Variants in DLC1 observed in about 807,000 individuals in gnomAD.
DLC1 encodes DLC1 Rho GTPase activating protein.
In DLC1, 54 loss-of-function variants were observed where a neutral mutation model predicts 140.3. That is an observed-to-expected ratio of 0.38 (90% CI 0.31 to 0.48). The LOEUF (loss-of-function observed/expected upper bound fraction) is 0.48. DLC1 is among the 20% of genes least tolerant of loss of function. The pLI is 0.96. For missense variants in DLC1, 2,536 were observed against 1,907.0 expected (o/e 1.33, Z -6.14); for synonymous variants, 986 against 728.1 (o/e 1.35, Z -5.70).
chr8:13,151,070 G>T (rs1823772311), intron 5 of DLC1, among the ~76,000 whole-genome samples: 1 of 152,184 alleles, frequency 6.6e-6, no homozygotes, highest in Non-Finnish European at 1.5e-5. Flanking sequence ...ATATGATGAT[G>T]AAATATCTGG....
intron 5 of DLC1, among the ~76,000 whole-genome samples, chr8:13,161,328 G>GTT (rs140570397): frequency 4.6e-5 from 7 of 151,594 alleles, no homozygotes; most frequent in Non-Finnish European, 7.4e-5. Context: ...TCATTTGTGG[G>GTT]TTTTTTTTGT....
chr8:13,496,067 C>T (rs935837170), intron 2 of DLC1, among the ~76,000 whole-genome samples: 9 of 152,174 alleles, frequency 5.9e-5, no homozygotes, highest in Admixed American at 3.3e-4. Flanking sequence ...GGCTGACAAA[C>T]AGTTTTAAAT....
rs1054238700 is a variant in DLC1 at position 13,281,270 on chromosome 8, G to A, written c.1348+23999C>T. ...CCCTAAGGATCCACTGAATTTGGGTGAGAATCTTCTTTGTGATAAACTCTA... is the reference window on the plus strand; with the variant it reads ...CCCTAAGGATCCACTGAATTTGGGTAAGAATCTTCTTTGTGATAAACTCTA... On this transcript the variant is annotated intron_variant, in intron 5 of 17. Transcript: ENST00000276297. Among the ~76,000 whole-genome samples the A allele has an allele frequency of 7.2e-5, 11 of 152,216 alleles. 1 individual carries two copies. The highest frequency in any genetic ancestry group is 2.7e-4 in the African/African-American group (11 of 41,460).
chr8:13,550,735 G>T (rs1326233458), intron 1 of DLC1, among the ~76,000 whole-genome samples: 12 of 152,142 alleles, frequency 7.9e-5, no homozygotes, highest in Admixed American at 3.9e-4. Flanking sequence ...AAGAAGACCA[G>T]TTACTGCAGT....
intron 10 of DLC1, among the ~76,000 whole-genome samples, chr8:13,098,130 T>A (rs760584823): frequency 9.6e-4 from 134 of 139,342 alleles, no homozygotes; most frequent in Non-Finnish European, 1.6e-3. Context: ...GAGCCTCAGG[T>A]GGGAGAATCG....
At chr8:13,378,046 C>T (rs6530629) in intron 4 of DLC1, among the ~76,000 whole-genome samples, 130,748 of 149,542 alleles carry the variant, frequency 0.87, 57,291 homozygotes, top group East Asian at 0.98. Context: ...TTAATTAGCA[C>T]TGATCTTTTT....
intron 1 of DLC1, among the ~76,000 whole-genome samples, chr8:13,506,974 G>A (rs370474143): frequency 1.3e-5 from 2 of 152,082 alleles, no homozygotes; most frequent in East Asian, 3.9e-4. Flanking sequence ...CTTGTACATC[G>A]TATGTGCCCC....
At chr8:13,509,036 C>A (rs1490455088) in intron 1 of DLC1, among the ~76,000 whole-genome samples, 1 of 152,054 alleles carries the variant, frequency 6.6e-6, no homozygotes, top group African/African-American at 2.4e-5. Context: ...GTGTGGCTGA[C>A]CTTTTTATTA....
intron 6 of DLC1, among the ~76,000 whole-genome samples, chr8:13,113,265 C>T (rs1820266370): frequency 6.6e-6 from 1 of 152,120 alleles, no homozygotes; most frequent in Non-Finnish European, 1.5e-5. Context: ...GCCAAGTACG[C>T]AAATCAAGCT....
chr8:13,526,117 A>T (rs182543181), intron 1 of DLC1, among the ~76,000 whole-genome samples: 7 of 152,216 alleles, frequency 4.6e-5, no homozygotes, highest in Non-Finnish European at 7.3e-5. Flanking sequence ...ACAAAAATCA[A>T]TTGACCAACT....
chr8:13,287,952 C>G (rs764982539), intron 5 of DLC1, among the ~76,000 whole-genome samples: 1 of 151,338 alleles, frequency 6.6e-6, no homozygotes, highest in African/African-American at 2.4e-5. Flanking sequence ...AATTGGAGAT[C>G]TTTAGAAACA....
intron 4 of DLC1, among the ~76,000 whole-genome samples, chr8:13,345,395 A>G (rs1489799375): frequency 1.3e-5 from 2 of 152,032 alleles, no homozygotes; most frequent in Admixed American, 6.6e-5. Flanking sequence ...TTCTCCTTGA[A>G]TCAATAGATA....
At chr8:13,256,716 C>A (rs1830243237) in intron 5 of DLC1, among the ~76,000 whole-genome samples, 1 of 151,842 alleles carries the variant, frequency 6.6e-6, no homozygotes, top group Admixed American at 6.6e-5. Context: ...CACACTGGGG[C>A]CTGTTGGCGG....
At position 13,488,764 on chromosome 8, in the gene DLC1, G is replaced by A. The variant is rs938070410; in HGVS notation, c.1023+10285C>T. Among the ~76,000 whole-genome samples, 4 of 152,004 alleles carry A rather than the reference G, an allele frequency of 2.6e-5. No individual in the cohort carries two copies. The East Asian group carries it at 5.8e-4, about 22-fold the overall frequency. Reference sequence around the variant, plus strand: ...TTCAAAACTTACCGAAGTTAATTACGCTTAATATGAAAGTTAGTTATTTGT... The same window carrying A: ...TTCAAAACTTACCGAAGTTAATTACACTTAATATGAAAGTTAGTTATTTGT... On this transcript the variant is annotated intron_variant, in intron 2 of 17. Coordinates refer to ENST00000276297, the MANE Select transcript of DLC1 (RefSeq NM_182643.3).
chr8:13,140,930 T>C (rs914019859), intron 5 of DLC1, among the ~76,000 whole-genome samples: 1 of 152,158 alleles, frequency 6.6e-6, no homozygotes, highest in African/African-American at 2.4e-5. Context: ...GTATCACATA[T>C]AGATGCCTTG....
chr8:13,180,758 T>C lies in DLC1; in HGVS notation c.1349-65101A>G, dbSNP rs537711676. Among the ~76,000 whole-genome samples, 132 of 152,284 alleles carry C rather than the reference T, an allele frequency of 8.7e-4. 1 individual carries two copies. In the South Asian group the frequency reaches 0.023, roughly 27 times the overall value. On this transcript the variant is annotated intron_variant, in intron 5 of 17. Coordinates refer to ENST00000276297, the MANE Select transcript of DLC1 (RefSeq NM_182643.3). ...ACCATTTTCTCAGTAAGAATTCAAT[T>C]AAAACCAAAACCATCACATGAAATT...
chr8:13,567,398 G>T, intron 1 of DLC1: 1 of 1,551,776 alleles, frequency 6.4e-7, no homozygotes, highest in Non-Finnish European at 8.7e-7. Flanking sequence ...ATTCATCGTA[G>T]AGGGGATTCT....
intron 2 of DLC1, among the ~76,000 whole-genome samples, chr8:13,489,736 T>G (rs1322660287): frequency 2.0e-5 from 3 of 152,160 alleles, no homozygotes; most frequent in African/African-American, 7.2e-5. Flanking sequence ...CTGTGGACAC[T>G]TAACCCTGGG....
intron 1 of DLC1, among the ~76,000 whole-genome samples, chr8:13,560,906 C>A (rs965910639): frequency 2.0e-5 from 3 of 151,966 alleles, no homozygotes; most frequent in African/African-American, 7.3e-5. Flanking sequence ...CAGAAGGAAC[C>A]AACCCTACTG....
Sources: allele counts gnomAD v4.1 joint callset (sites outside exome capture counted in the v4.1 genomes callset), GRCh38; gene constraint gnomAD v4.1.1; transcripts MANE v1.5; gene names NCBI Gene and HGNC (gene_info 2026-07-23, HGNC 2026-07-21).